The following MAP3K7CL variants were observed in gnomAD, a reference collection of about 807,000 sequenced individuals.
The protein encoded by MAP3K7CL is MAP3K7 C-terminal-like protein.
In MAP3K7CL, 16 loss-of-function variants were observed where a neutral mutation model predicts 18.6. That is an observed-to-expected ratio of 0.86 (90% CI 0.58 to 1.31). MAP3K7CL has a LOEUF of 1.31. MAP3K7CL is among the 50% of genes most tolerant of loss of function. The pLI is 0.00. For missense variants in MAP3K7CL, 163 were observed against 174.4 expected (o/e 0.93, Z 0.37); for synonymous variants, 65 against 66.8 (o/e 0.97, Z 0.13).
chr21:29,082,641 A>G (rs1433191840), upstream of MAP3K7CL, among the ~76,000 whole-genome samples: 1 of 152,206 alleles, frequency 6.6e-6, no homozygotes, highest in Non-Finnish European at 1.5e-5. Context: ...CTACTAGCCC[A>G]TTGGCTGAAG....
chr21:29,104,570 G>A (rs1381516554), intron 4 of MAP3K7CL, among the ~76,000 whole-genome samples: 3 of 152,164 alleles, frequency 2.0e-5, no homozygotes, highest in Non-Finnish European at 2.9e-5. Context: ...CTCCTTTGCC[G>A]AAGCCGGGAA....
intron 3 of MAP3K7CL, 122 bp downstream of exon 3, chr21:29,149,372 C>A: frequency 2.4e-6 from 2 of 820,892 alleles, no homozygotes; most frequent in South Asian, 1.5e-5. Context: ...GCTTTGAAGT[C>A]ATCAAGGATT....
At chr21:29,149,384 C>A in intron 3 of MAP3K7CL, 134 bp downstream of exon 3, 1 of 755,362 alleles carries the variant, frequency 1.3e-6, no homozygotes, top group Non-Finnish European at 2.3e-6. Context: ...TCAAGGATTA[C>A]ATTTCTAGAG....
chr21:29,154,516 T>C (rs1283191455), intron 3 of MAP3K7CL, among the ~76,000 whole-genome samples: 2 of 152,122 alleles, frequency 1.3e-5, no homozygotes, highest in Non-Finnish European at 2.9e-5. Context: ...GTCTGATAAG[T>C]CCAGAAACTG....
intron 2 of MAP3K7CL, among the ~76,000 whole-genome samples, chr21:29,140,077 A>T (rs1287435787): frequency 6.6e-6 from 1 of 152,020 alleles, no homozygotes; most frequent in Non-Finnish European, 1.5e-5. Context: ...TTACATTTAA[A>T]GCCGCCTCAG....
intron 4 of MAP3K7CL, among the ~76,000 whole-genome samples, chr21:29,160,520 T>C (rs1482983880): frequency 6.6e-6 from 1 of 152,264 alleles, no homozygotes; most frequent in Non-Finnish European, 1.5e-5. Flanking sequence ...TTTATTACTA[T>C]TACAGTTCTG....
At chr21:29,090,657 G>A (rs1451284614) in intron 1 of MAP3K7CL, among the ~76,000 whole-genome samples, 1 of 152,164 alleles carries the variant, frequency 6.6e-6, no homozygotes, top group Non-Finnish European at 1.5e-5. Context: ...GGGATTACAG[G>A]TGTGAGCCAC....
At chr21:29,095,692 T>C (rs1402232816) in intron 4 of MAP3K7CL, among the ~76,000 whole-genome samples, 1 of 152,234 alleles carries the variant, frequency 6.6e-6, no homozygotes, top group Non-Finnish European at 1.5e-5. Flanking sequence ...GGTTGAGAAC[T>C]GTACATGGTA....
chr21:29,162,115 G>A (rs2087563507), intron 4 of MAP3K7CL, among the ~76,000 whole-genome samples: 1 of 151,946 alleles, frequency 6.6e-6, no homozygotes, highest in Non-Finnish European at 1.5e-5. Flanking sequence ...AGGAATTGAG[G>A]ATTATTAATC....
intron 2 of MAP3K7CL, among the ~76,000 whole-genome samples, chr21:29,142,880 C>G (rs2087039263): frequency 1.3e-5 from 2 of 152,244 alleles, no homozygotes; most frequent in African/African-American, 2.4e-5. Flanking sequence ...AGTGGCCAAC[C>G]CGAGATTCAA....
At chr21:29,089,225 G>A (rs2085980340) in intron 1 of MAP3K7CL, among the ~76,000 whole-genome samples, 1 of 143,920 alleles carries the variant, frequency 6.9e-6, no homozygotes, top group Non-Finnish European at 1.5e-5. Context: ...GGGTTGTCTG[G>A]CATGGATCTC....
intron 3 of MAP3K7CL, among the ~76,000 whole-genome samples, chr21:29,150,822 T>A (rs1375531191): frequency 6.9e-6 from 1 of 144,888 alleles, no homozygotes; most frequent in East Asian, 2.0e-4. Flanking sequence ...CAGGCTGGAG[T>A]GCAGTGATGT....
chr21:29,127,821 T>C (rs73192190), upstream of MAP3K7CL: 27,716 of 152,218 alleles, frequency 0.18, 2,786 homozygotes, highest in South Asian at 0.23. Context: ...GAGAGTTCTG[T>C]GGATAAAGAT....
In MAP3K7CL at chr21:29,160,001, A is replaced by G; in HGVS notation, c.193A>G (p.Ile65Val). 1.2e-6 allele frequency: 2 copies of G among 1,614,102 alleles called. No homozygotes were observed. The highest frequency in any genetic ancestry group is 1.7e-6 in the Non-Finnish European group (2 of 1,179,972). The change falls in exon 4 of 5, where the codon ATA becomes GTA. Residue 65 changes from isoleucine to valine, a missense_variant. Transcript: ENST00000399928. ...SMEVFKQHCQ[I>V]AEEYHEVKKE... is the part of the protein sequence containing the mutation. Reference sequence around the variant, plus strand: ...GGAGGTGTTCAAACAGCACTGCCAAATAGCAGAAGAATACCATGAGGTCAA... The same window carrying G: ...GGAGGTGTTCAAACAGCACTGCCAAGTAGCAGAAGAATACCATGAGGTCAA...
intron 2 of MAP3K7CL, among the ~76,000 whole-genome samples, chr21:29,146,392 T>C (rs921259941): frequency 6.6e-6 from 1 of 152,140 alleles, no homozygotes; most frequent in African/African-American, 2.4e-5. Context: ...ACAAAATCAG[T>C]TTCACAAAGC....
At chr21:29,093,507 A>C (rs1419413096) in intron 4 of MAP3K7CL, among the ~76,000 whole-genome samples, 3 of 151,966 alleles carry the variant, frequency 2.0e-5, no homozygotes, top group Non-Finnish European at 2.9e-5. Flanking sequence ...TTTGAGATGG[A>C]GTCTCGCTCT....
At chr21:29,086,488 T>C (rs1272355463) in intron 1 of MAP3K7CL, among the ~76,000 whole-genome samples, 1 of 152,206 alleles carries the variant, frequency 6.6e-6, no homozygotes. Flanking sequence ...TTAAGGAATG[T>C]TGGTGTCATT....
At chr21:29,078,472 G>T (rs1335046494) in intron 1 of MAP3K7CL, among the ~76,000 whole-genome samples, 2 of 152,198 alleles carry the variant, frequency 1.3e-5, no homozygotes, top group East Asian at 3.8e-4. Flanking sequence ...AGTCTCGCTG[G>T]ACTACAGAGA....
At chr21:29,150,442 C>T (rs117287821) in intron 3 of MAP3K7CL, among the ~76,000 whole-genome samples, 136 of 152,286 alleles carry the variant, frequency 8.9e-4, no homozygotes, top group Middle Eastern at 3.4e-3. Flanking sequence ...ACCTTTGTAG[C>T]AGTCCTGGGC....
Sources: allele counts gnomAD v4.1 joint callset (sites outside exome capture counted in the v4.1 genomes callset), GRCh38; gene constraint gnomAD v4.1.1; transcripts MANE v1.5; gene names NCBI Gene and HGNC (gene_info 2026-07-23, HGNC 2026-07-21).